Variants in GALNT13 observed in about 807,000 individuals in gnomAD.
The protein encoded by GALNT13 is UDP-GalNAc:polypeptide N-acetylgalactosaminyltransferase 13.
GALNT13 carries 28 observed loss-of-function variants against 64.2 expected under a neutral mutation model. The ratio of observed to expected loss-of-function variants is 0.44; its 90% CI spans 0.32 to 0.60. The LOEUF (loss-of-function observed/expected upper bound fraction) is 0.60, where lower values mean the gene tolerates loss of function less well. Among genes scored for constraint, GALNT13 ranks in the 20% least tolerant of loss-of-function variants. GALNT13 has a pLI of 0.05. For synonymous variants in GALNT13, 214 were observed against 224.6 expected, an observed-to-expected ratio of 0.95 and a Z score of 0.42; for missense variants, 577 against 669.8, an observed-to-expected ratio of 0.86 and a Z score of 1.53.
rs7420423 is a variant in GALNT13, at chr2:154,208,826, G to A, written c.312-33204G>A. ...CTGAAAGTATATATATTTTAATCCT[G>A]TAGAATATTTTTATAATGAGATCCA... is the stretch of plus-strand genomic sequence containing the variant. On this transcript the variant is annotated intron_variant, in intron 4 of 12. Coordinates refer to ENST00000392825, the MANE Select transcript of GALNT13 (RefSeq NM_052917.4). Among the ~76,000 whole-genome samples the A allele has an allele frequency of 7.4e-4, 113 of 152,104 alleles. 2 individuals carry two copies. Among genetic ancestry groups the A allele is most frequent in the African/African-American group, 2.5e-3 (104 of 41,482 alleles).
At chr2:153,141,458 G>A in the GALNT13 span, among the ~76,000 whole-genome samples, 912 of 152,126 alleles carry the variant, frequency 6.0e-3, 7 homozygotes, top group Non-Finnish European at 7.1e-3. Context: ...TAGAGGAAGA[G>A]GCCTCCAGAC....
At chr2:153,746,518 A>G in the GALNT13 span, among the ~76,000 whole-genome samples, 1 of 152,212 alleles carries the variant, frequency 6.6e-6, no homozygotes, top group South Asian at 2.1e-4. Flanking sequence ...TATTTGGCAT[A>G]TATGCCACAG....
intron 5 of GALNT13, 150 bp downstream of exon 5, chr2:154,242,346 A>G (rs1689538666): frequency 1.5e-6 from 1 of 672,736 alleles, no homozygotes; most frequent in African/African-American, 1.8e-5. Flanking sequence ...ACAGCCTATC[A>G]GATTCTCATC....
intron 1 of GALNT13, among the ~76,000 whole-genome samples, chr2:153,880,529 T>G (rs1686710791): frequency 6.6e-6 from 1 of 152,136 alleles, no homozygotes; most frequent in South Asian, 2.1e-4. Context: ...AGTAAATGAT[T>G]TAAGGGTTTA....
At chr2:153,777,763 T>G in the GALNT13 span, among the ~76,000 whole-genome samples, 2 of 152,090 alleles carry the variant, frequency 1.3e-5, no homozygotes, top group African/African-American at 4.8e-5. Flanking sequence ...TAGGGGTGGA[T>G]GTTTACAGCT....
chr2:153,786,577 A>G, the GALNT13 span, among the ~76,000 whole-genome samples: 1 of 151,822 alleles, frequency 6.6e-6, no homozygotes, highest in Non-Finnish European at 1.5e-5. Flanking sequence ...GCAACCCACA[A>G]TTATGATACT....
chr2:153,435,296 G>T, the GALNT13 span, among the ~76,000 whole-genome samples: 2 of 152,182 alleles, frequency 1.3e-5, no homozygotes, highest in Non-Finnish European at 1.5e-5. Context: ...GCTTAGGATT[G>T]ACTTGGCGAT....
chr2:153,566,398 A>C, the GALNT13 span, among the ~76,000 whole-genome samples: 1 of 103,926 alleles, frequency 9.6e-6, no homozygotes, highest in African/African-American at 4.2e-5. Context: ...TCTTTTGCCC[A>C]GGTGGGACTG....
the GALNT13 span, chr2:153,761,539 TTGAA>T: frequency 6.5e-6 from 1 of 152,776 alleles, no homozygotes; most frequent in Non-Finnish European, 1.5e-5. Context: ...TTTTCCTGAT[TTGAA>T]TCAAAATACA....
At chr2:153,417,830 A>T in the GALNT13 span, among the ~76,000 whole-genome samples, 1 of 152,168 alleles carries the variant, frequency 6.6e-6, no homozygotes, top group African/African-American at 2.4e-5. Flanking sequence ...ACCTTTAAAC[A>T]TCATCAGCAT....
At chr2:153,377,660 T>C in the GALNT13 span, among the ~76,000 whole-genome samples, 33 of 152,174 alleles carry the variant, frequency 2.2e-4, no homozygotes, top group African/African-American at 7.0e-4. Flanking sequence ...GATGCCAGCA[T>C]CATGCTTCTT....
At chr2:154,249,452 A>C (rs1689956019) in intron 7 of GALNT13, among the ~76,000 whole-genome samples, 1 of 152,172 alleles carries the variant, frequency 6.6e-6, no homozygotes. Context: ...AGCCTGGCTT[A>C]AGTCTTATTG....
At chr2:153,117,490 A>G in the GALNT13 span, among the ~76,000 whole-genome samples, 11 of 152,286 alleles carry the variant, frequency 7.2e-5, no homozygotes, top group African/African-American at 2.6e-4. Flanking sequence ...TTATATGGTT[A>G]TGTGGTTATT....
rs552815396 is a variant in GALNT13 at position 154,263,705 on chromosome 2, T to C, written c.975+4567T>C. The stretch of plus-strand genomic sequence containing the variant: ...ACATCATTGGAGTTAATTACTGACA[T>C]CTAAGAATCTAGGGTGGAAAACATT... On this transcript the variant is annotated intron_variant, in intron 8 of 12. Transcript: ENST00000392825. Among the ~76,000 whole-genome samples, 348 of 152,242 alleles carry C rather than the reference T, an allele frequency of 2.3e-3. 2 individuals are homozygous for C. Among genetic ancestry groups the C allele is most frequent in the African/African-American group, 7.7e-3 (322 of 41,558 alleles).
the GALNT13 span, among the ~76,000 whole-genome samples, chr2:153,413,256 G>T: frequency 1.8e-4 from 28 of 152,164 alleles, no homozygotes; most frequent in African/African-American, 6.5e-4. Context: ...CAAGGGCACA[G>T]GATTGTATCG....
intron 3 of GALNT13, among the ~76,000 whole-genome samples, chr2:153,994,757 TG>T (rs1695405964): frequency 6.9e-6 from 1 of 144,654 alleles, no homozygotes; most frequent in Admixed American, 6.9e-5. Context: ...CACTTGTTGA[TG>T]GGGTTGTTTT....
chr2:154,445,662 T>G (rs1185252355), intron 12 of GALNT13: 2 of 301,774 alleles, frequency 6.6e-6, no homozygotes, highest in East Asian at 1.8e-4. Context: ...ACAAATTATG[T>G]ACTATTTTAC....
chr2:153,365,021 A>G, the GALNT13 span, among the ~76,000 whole-genome samples: 1 of 152,204 alleles, frequency 6.6e-6, no homozygotes, highest in Non-Finnish European at 1.5e-5. Context: ...CCAAAACAGC[A>G]TGGTACTGGT....
At chr2:154,285,445 A>G (rs1004552482) in intron 8 of GALNT13, among the ~76,000 whole-genome samples, 1 of 152,112 alleles carries the variant, frequency 6.6e-6, no homozygotes, top group African/African-American at 2.4e-5. Flanking sequence ...GTGGATATCA[A>G]GTTTTCCCAA....
Sources: gnomAD v4.1 joint callset for allele counts (sites outside exome capture counted in the v4.1 genomes callset) on GRCh38, gnomAD v4.1.1 for gene constraint, MANE v1.5 for transcripts, NCBI Gene and HGNC (gene_info 2026-07-23, HGNC 2026-07-21) for gene names.